Variants in STPG2 observed in about 807,000 individuals in gnomAD.
The protein encoded by STPG2 is sperm-tail PG-rich repeat-containing protein 2.
A neutral mutation model predicts 54.2 loss-of-function variants in STPG2; 56 were observed. That is an observed-to-expected ratio of 1.03 (90% CI 0.83 to 1.29). STPG2 has a LOEUF of 1.29. Ranked by LOEUF, STPG2 falls within the 50% of genes most tolerant of loss-of-function variation. The probability of loss-of-function intolerance (pLI) is 0.00; values close to 1 mark genes in which losing one functional copy is unlikely to be tolerated. For missense variants in STPG2, 596 were observed against 544.9 expected, an observed-to-expected ratio of 1.09 and a Z score of -0.93; for synonymous variants, 200 against 181.8, an observed-to-expected ratio of 1.10 and a Z score of -0.81.
chr4:97,752,421 G>A (rs531234189), intron 9 of STPG2, among the ~76,000 whole-genome samples: 2 of 151,856 alleles, frequency 1.3e-5, no homozygotes, highest in African/African-American at 4.8e-5. Context: ...TTTAGGAAGA[G>A]AAACAATTTC....
intron 5 of STPG2, among the ~76,000 whole-genome samples, chr4:98,084,982 T>C (rs1738462665): frequency 6.6e-6 from 1 of 152,108 alleles, no homozygotes; most frequent in Admixed American, 6.5e-5. Flanking sequence ...ACTTTTTCCT[T>C]TTATGGTTCA....
In STPG2 at chr4:97,690,819, A is replaced by G. The variant is rs573837290; in HGVS notation, c.1320+21880T>C. On this transcript the variant is annotated intron_variant, in intron 10 of 10. Transcript: ENST00000295268. ...AGAAAGGCAAATAGCAAAACTTGGG[A>G]CTCTGAAAAACTGTGAGTAGAAGAA... Among the ~76,000 whole-genome samples, 530 of 152,272 alleles carry G rather than the reference A, an allele frequency of 3.5e-3. 3 individuals carry two copies. Among genetic ancestry groups the G allele is most frequent in the African/African-American group, 0.012 (509 of 41,538 alleles).
intron 4 of STPG2, among the ~76,000 whole-genome samples, chr4:97,458,206 A>G (rs2148805080): frequency 6.6e-6 from 1 of 152,312 alleles, no homozygotes; most frequent in Admixed American, 6.5e-5. Context: ...CTTTCAGAAT[A>G]CAAAAGTATC....
chr4:97,970,821 A>T (rs1409433027), intron 7 of STPG2, among the ~76,000 whole-genome samples: 3 of 152,254 alleles, frequency 2.0e-5, no homozygotes, highest in African/African-American at 7.2e-5. Context: ...GGATCTAATT[A>T]AACTAAAGAG....
chr4:98,045,631 C>T (rs1737101023), intron 5 of STPG2, among the ~76,000 whole-genome samples: 2 of 151,590 alleles, frequency 1.3e-5, no homozygotes, highest in Non-Finnish European at 2.9e-5. Flanking sequence ...TTGGGGGTGA[C>T]CATTTTTTTC....
intron 8 of STPG2, 56 bp from the exon 9 acceptor site, chr4:97,840,988 G>C: frequency 6.5e-7 from 1 of 1,533,418 alleles, no homozygotes; most frequent in Non-Finnish European, 8.9e-7. Context: ...AAATATCCAA[G>C]AAGATACCAG....
intron 10 of STPG2, among the ~76,000 whole-genome samples, chr4:97,669,444 G>A (rs1300676955): frequency 6.6e-6 from 1 of 152,142 alleles, no homozygotes; most frequent in Non-Finnish European, 1.5e-5. Flanking sequence ...ATGTAGCTTT[G>A]ACTTGCATCA....
chr4:97,445,842 T>C (rs577910719), intron 4 of STPG2, among the ~76,000 whole-genome samples: 10 of 152,188 alleles, frequency 6.6e-5, no homozygotes, highest in African/African-American at 2.4e-4. Context: ...GGAATTAATA[T>C]AATCTCAGTA....
chr4:97,994,547 G>T (rs74906871), intron 5 of STPG2, among the ~76,000 whole-genome samples: 3,461 of 152,134 alleles, frequency 0.023, 49 homozygotes, highest in Middle Eastern at 0.082. Flanking sequence ...GGCTTCCTGA[G>T]ACCTGAGCTG....
At position 97,858,400 on chromosome 4, in the gene STPG2, A is replaced by ATTATT. The variant is rs527314841; in HGVS notation, c.1045-17473_1045-17469dup. Among the ~76,000 whole-genome samples, 30 of 152,268 alleles carry ATTATT rather than the reference A, an allele frequency of 2.0e-4. No homozygotes were observed. The South Asian group carries it at 3.5e-3, about 18-fold the overall frequency. On this transcript the variant is annotated intron_variant, in intron 8 of 10. Transcript: ENST00000295268. The stretch of plus-strand genomic sequence containing the variant: ...CCATGAAAGAGTAGCATGACATATT[A>ATTATT]TTATTTTATTTTATTTTATTTCAAT...
chr4:97,955,583 C>T (rs530543206), intron 7 of STPG2, among the ~76,000 whole-genome samples: 32 of 152,052 alleles, frequency 2.1e-4, no homozygotes, highest in African/African-American at 7.7e-4. Flanking sequence ...TTATGAGAGT[C>T]TCAGAAAGAC....
At chr4:97,969,395 C>T (rs1372708478) in intron 7 of STPG2, among the ~76,000 whole-genome samples, 21 of 152,178 alleles carry the variant, frequency 1.4e-4, no homozygotes, top group Admixed American at 6.5e-5. Flanking sequence ...ATCAAATGAC[C>T]GTAAATCTCT....
chr4:97,900,678 A>T (rs1435104819), intron 8 of STPG2, among the ~76,000 whole-genome samples: 1 of 152,082 alleles, frequency 6.6e-6, no homozygotes, highest in Non-Finnish European at 1.5e-5. Flanking sequence ...AGAAACAGAA[A>T]ATCAAATACC....
At chr4:97,747,435 T>C (rs1221386557) in intron 9 of STPG2, among the ~76,000 whole-genome samples, 1 of 151,242 alleles carries the variant, frequency 6.6e-6, no homozygotes, top group Non-Finnish European at 1.5e-5. Context: ...ATCAAAGAGG[T>C]CAGCACAAGA....
intron 5 of STPG2, among the ~76,000 whole-genome samples, chr4:98,013,155 CA>C: frequency 6.6e-6 from 1 of 152,258 alleles, no homozygotes; most frequent in East Asian, 1.9e-4. Context: ...GAGTTTTTAA[CA>C]TGAAGGGATA....
chr4:97,774,722 A>C (rs763538458), intron 9 of STPG2, among the ~76,000 whole-genome samples: 32 of 152,322 alleles, frequency 2.1e-4, no homozygotes, highest in Non-Finnish European at 3.7e-4. Context: ...CACACACACA[A>C]AATCAGCAGT....
intron 5 of STPG2, among the ~76,000 whole-genome samples, chr4:98,024,442 A>G (rs992835314): frequency 6.6e-6 from 1 of 152,196 alleles, no homozygotes; most frequent in Non-Finnish European, 1.5e-5. Context: ...GATCTCAATG[A>G]AAGTTTTCAA....
intron 5 of STPG2, among the ~76,000 whole-genome samples, chr4:98,092,665 AT>A (rs1439267776): frequency 9.2e-5 from 14 of 152,072 alleles, no homozygotes; most frequent in African/African-American, 2.9e-4. Flanking sequence ...AAAACTTTCT[AT>A]TTAAGATCTA....
intron 10 of STPG2, among the ~76,000 whole-genome samples, chr4:97,595,271 T>C (rs1218772407): frequency 2.0e-5 from 3 of 152,022 alleles, no homozygotes. Context: ...TATGCAGCCA[T>C]AAAAAAGGAT....
Sources: gnomAD v4.1 joint callset for allele counts (sites outside exome capture counted in the v4.1 genomes callset) on GRCh38, gnomAD v4.1.1 for gene constraint, MANE v1.5 for transcripts, NCBI Gene and HGNC (gene_info 2026-07-23, HGNC 2026-07-21) for gene names.